DLC1: variants seen among roughly 807,000 people sequenced by gnomAD.
The protein encoded by DLC1 is rho GTPase-activating protein 7.
In DLC1, 54 loss-of-function variants were observed where a neutral mutation model predicts 140.3. The ratio of observed to expected loss-of-function variants is 0.38; its 90% CI spans 0.31 to 0.48. DLC1 has a LOEUF of 0.48. Among genes scored for constraint, DLC1 ranks in the 20% least tolerant of loss-of-function variants. DLC1 has a pLI of 0.96. For synonymous variants in DLC1, 986 were observed against 728.1 expected (o/e 1.35, Z -5.70); for missense variants, 2,536 against 1,907.0 (o/e 1.33, Z -6.14).
At chr8:13,565,661 T>C (rs1452432351) in intron 1 of DLC1, among the ~76,000 whole-genome samples, 1 of 152,062 alleles carries the variant, frequency 6.6e-6, no homozygotes, top group Admixed American at 6.6e-5. Context: ...TGGCTAGACC[T>C]GAATAATACC....
At chr8:13,592,743 A>G (rs1323806773) in intron 1 of DLC1, among the ~76,000 whole-genome samples, 3 of 152,126 alleles carry the variant, frequency 2.0e-5, no homozygotes, top group Admixed American at 1.3e-4. Context: ...AGAGGACACT[A>G]CTGCCCAAGC....
At chr8:13,187,963 T>C (rs1826483442) in intron 5 of DLC1, among the ~76,000 whole-genome samples, 1 of 152,192 alleles carries the variant, frequency 6.6e-6, no homozygotes, top group South Asian at 2.1e-4. Flanking sequence ...TCCTTCTCTT[T>C]TCCTCCTTCT....
intron 2 of DLC1, among the ~76,000 whole-genome samples, chr8:13,462,152 C>A (rs1468648448): frequency 6.6e-6 from 1 of 152,144 alleles, no homozygotes; most frequent in Non-Finnish European, 1.5e-5. Context: ...CAAGGCCAGA[C>A]GCCTCATGGT....
At chr8:13,391,957 T>C (rs1291122069) in intron 4 of DLC1, among the ~76,000 whole-genome samples, 2 of 152,040 alleles carry the variant, frequency 1.3e-5, no homozygotes, top group African/African-American at 4.8e-5. Flanking sequence ...GTCAAAACTG[T>C]TGAGAAGGTT....
chr8:13,453,607 C>T (rs1397725109), intron 2 of DLC1, among the ~76,000 whole-genome samples: 4 of 131,720 alleles, frequency 3.0e-5, no homozygotes, highest in African/African-American at 8.8e-5. Flanking sequence ...CTAAGTTGAG[C>T]AGCCAATTCA....
At chr8:13,261,963 G>A (rs1398458087) in intron 5 of DLC1, among the ~76,000 whole-genome samples, 2 of 152,140 alleles carry the variant, frequency 1.3e-5, no homozygotes, top group Non-Finnish European at 2.9e-5. Context: ...TCTAATAGGT[G>A]TTTAGCTTAG....
Position 13,426,714 on chromosome 8 carries a change from CA to C in DLC1, c.1024-25096del, listed in dbSNP as rs772127224. 1.5e-4 allele frequency among the ~76,000 whole-genome samples: 23 copies of C among 152,228 alleles called. 1 individual carries two copies. The highest frequency in any genetic ancestry group is 3.4e-3 in the Middle Eastern group (1 of 294). On this transcript the variant is annotated intron_variant, in intron 2 of 17. Transcript: ENST00000276297. ...CTTCCTCGCAGATCTGTGTTCTTTC[CA>C]TTTTTCTATGTTCTTCATATTTCCT...
At chr8:13,579,555 T>TTTTATATTATATATTTATTATATTATA (rs1554547136) in intron 1 of DLC1, among the ~76,000 whole-genome samples, 2 of 82,968 alleles carry the variant, frequency 2.4e-5, no homozygotes, top group Admixed American at 1.6e-4. Context: ...ATATATTATA[T>TTTTATATTATATATTTATTATATTATA]TTTATATTAT....
chr8:13,314,885 T>C (rs909380556), intron 4 of DLC1, among the ~76,000 whole-genome samples: 1 of 152,206 alleles, frequency 6.6e-6, no homozygotes, highest in Non-Finnish European at 1.5e-5. Flanking sequence ...CAGGGAGATA[T>C]TCATTGTAGT....
chr8:13,111,686 A>G (rs1820125471), intron 6 of DLC1, among the ~76,000 whole-genome samples: 1 of 152,192 alleles, frequency 6.6e-6, no homozygotes, highest in Admixed American at 6.5e-5. Flanking sequence ...AAGGCAAGTT[A>G]TCACCCTCTT....
chr8:13,158,733 T>TCCCCCCC (rs71207127), intron 5 of DLC1, among the ~76,000 whole-genome samples: 2 of 58,984 alleles, frequency 3.4e-5, no homozygotes, highest in Non-Finnish European at 6.7e-5. Context: ...ACCACCACCC[T>TCCCCCCC]CCCCCCCCCC....
chr8:13,277,932 C>T (rs533494327), intron 5 of DLC1, among the ~76,000 whole-genome samples: 29 of 152,290 alleles, frequency 1.9e-4, no homozygotes, highest in South Asian at 6.2e-4. Context: ...TTCTACAACA[C>T]GCATTATTTT....
chr8:13,414,164 C>A (rs188906330), intron 2 of DLC1, among the ~76,000 whole-genome samples: 11 of 151,930 alleles, frequency 7.2e-5, no homozygotes, highest in Non-Finnish European at 1.2e-4. Flanking sequence ...ATCTTTTTAC[C>A]TTTGTTGAAT....
At chr8:13,604,441 A>G (rs1805981781) in intron 1 of DLC1, 1 of 152,190 alleles carries the variant, frequency 6.6e-6, no homozygotes, top group South Asian at 2.1e-4. Context: ...CAATATTTTT[A>G]GAAAGACTTT....
At chr8:13,450,189 C>A (rs948466635) in intron 2 of DLC1, among the ~76,000 whole-genome samples, 10 of 151,598 alleles carry the variant, frequency 6.6e-5, no homozygotes, top group African/African-American at 2.4e-4. Context: ...GGCATGGTGG[C>A]CTGGGTGGTA....
At chr8:13,314,277 A>G (rs527972943) in intron 4 of DLC1, among the ~76,000 whole-genome samples, 1 of 148,360 alleles carries the variant, frequency 6.7e-6, no homozygotes, top group South Asian at 2.1e-4. Flanking sequence ...ATGTATATTC[A>G]CATTTAATCA....
intron 4 of DLC1, among the ~76,000 whole-genome samples, chr8:13,360,388 G>GC (rs1443525804): frequency 6.6e-6 from 1 of 152,046 alleles, no homozygotes; most frequent in Non-Finnish European, 1.5e-5. Flanking sequence ...TATTATAAAA[G>GC]CCCCCCACGA....
intron 5 of DLC1, among the ~76,000 whole-genome samples, chr8:13,156,396 C>T (rs184828346): frequency 1.3e-5 from 2 of 152,244 alleles, no homozygotes; most frequent in South Asian, 2.1e-4. Flanking sequence ...GGTGAGAGTG[C>T]GCTGGGTGTA....
At chr8:13,181,221 C>G (rs1826012564) in intron 5 of DLC1, among the ~76,000 whole-genome samples, 1 of 152,158 alleles carries the variant, frequency 6.6e-6, no homozygotes, top group African/African-American at 2.4e-5. Flanking sequence ...ACTGTTTGCT[C>G]TACTTGGAAA....
Sources: allele counts gnomAD v4.1 joint callset (sites outside exome capture counted in the v4.1 genomes callset), GRCh38; gene constraint gnomAD v4.1.1; transcripts MANE v1.5; gene names NCBI Gene and HGNC (gene_info 2026-07-23, HGNC 2026-07-21).